The following COL15A1 variants were observed in gnomAD, a reference collection of about 807,000 sequenced individuals.
COL15A1 encodes collagen type XV alpha 1 chain.
In COL15A1, 111 loss-of-function variants were observed where a neutral mutation model predicts 165.9. The observed-to-expected ratio is 0.67, with a 90% CI of 0.57 to 0.78. The LOEUF (loss-of-function observed/expected upper bound fraction) is 0.78, where lower values mean the gene tolerates loss of function less well. COL15A1 is among the 30% of genes least tolerant of loss of function. The pLI is 0.00. For missense variants in COL15A1, 1,745 were observed against 1,789.7 expected (o/e 0.98, Z 0.45); for synonymous variants, 659 against 674.8 (o/e 0.98, Z 0.36).
intron 36 of COL15A1, among the ~76,000 whole-genome samples, chr9:99,060,981 T>C (rs1825806674): frequency 6.6e-6 from 1 of 152,210 alleles, no homozygotes; most frequent in Admixed American, 6.5e-5. Flanking sequence ...TTCAGTCTTC[T>C]CCATTCTGCC....
chr9:98,963,542 T>C (rs1837899191), intron 2 of COL15A1, among the ~76,000 whole-genome samples: 1 of 152,222 alleles, frequency 6.6e-6, no homozygotes, highest in Non-Finnish European at 1.5e-5. Flanking sequence ...TCCCCAGTGC[T>C]GCTTGATCAC....
chr9:99,001,697 A>G (rs1295626065), intron 7 of COL15A1, among the ~76,000 whole-genome samples: 2 of 151,976 alleles, frequency 1.3e-5, no homozygotes, highest in South Asian at 2.1e-4. Context: ...TCTCCTCCTT[A>G]TCCTCATGAT....
At chr9:98,964,857 C>A (rs1345670576) in intron 2 of COL15A1, among the ~76,000 whole-genome samples, 1 of 152,170 alleles carries the variant, frequency 6.6e-6, no homozygotes, top group Non-Finnish European at 1.5e-5. Flanking sequence ...CTGAAGGTTA[C>A]CCTGATTCTT....
intron 23 of COL15A1, chr9:99,040,761 C>A (rs1839388207): frequency 1.2e-6 from 1 of 836,166 alleles, no homozygotes; most frequent in Non-Finnish European, 1.8e-6. Flanking sequence ...TCAAGAAATC[C>A]ATCTGCGTCA....
chr9:99,004,843 GT>G, intron 8 of COL15A1, 54 bp from the exon 9 acceptor site: 1 of 1,609,154 alleles, frequency 6.2e-7, no homozygotes, highest in Non-Finnish European at 8.5e-7. Flanking sequence ...TTACCACAGT[GT>G]GGTGGATCAG....
chr9:98,944,790 G>C (rs1346308663), intron 2 of COL15A1, among the ~76,000 whole-genome samples: 2 of 152,250 alleles, frequency 1.3e-5, no homozygotes, highest in Admixed American at 1.3e-4. Flanking sequence ...TCCACCGGTG[G>C]TGGAAAGAGC....
At chr9:99,026,020 C>T in intron 16 of COL15A1, 54 bp downstream of exon 16, 4 of 1,520,378 alleles carry the variant, frequency 2.6e-6, no homozygotes, top group Non-Finnish European at 3.6e-6. Flanking sequence ...GCCCACACTA[C>T]TCTCTCTGAC....
intron 21 of COL15A1, among the ~76,000 whole-genome samples, chr9:99,036,732 C>T (rs1035255236): frequency 5.9e-5 from 9 of 152,178 alleles, no homozygotes; most frequent in South Asian, 2.1e-4. Flanking sequence ...AGAAATAAAG[C>T]CAAAGATGAG....
chr9:98,989,140 G>A (rs374153140), intron 4 of COL15A1, 38 bp from the exon 5 acceptor site: 22 of 1,550,860 alleles, frequency 1.4e-5, no homozygotes, highest in African/African-American at 1.4e-4. Flanking sequence ...GGCCCTGCCC[G>A]CTCTGCCCGG....
In COL15A1 at chr9:98,943,981, C is replaced by T. The variant is rs571622067; in HGVS notation, c.-81C>T. ...AAGGGCGAGCGCGGCGGCCAGCGCT[C>T]AGCGACCCTTCGTCCTCCGCTAAGC... On this transcript the variant is annotated 5_prime_UTR_variant, in exon 1 of 42. Transcript: ENST00000375001. 18 of 1,584,042 alleles carry T rather than the reference C, an allele frequency of 1.1e-5. No individual in the cohort carries two copies. In the East Asian group the frequency reaches 4.1e-4, roughly 36 times the overall value.
At chr9:98,998,116 A>G (rs1301415815) in intron 6 of COL15A1, among the ~76,000 whole-genome samples, 1 of 152,238 alleles carries the variant, frequency 6.6e-6, no homozygotes, top group Non-Finnish European at 1.5e-5. Context: ...ATCTATTTAC[A>G]TATAGCTATG....
rs1839465122 is a variant in COL15A1, at chr9:99,044,625, A to G, written c.2632A>G (p.Met878Val). The change falls in exon 25 of 42, where the codon ATG becomes GTG. Residue 878 changes from methionine to valine, a missense_variant. By Grantham distance (21) the Met-to-Val change is conservative. Coordinates refer to ENST00000375001, the MANE Select transcript of COL15A1 (RefSeq NM_001855.5). ...LTEDIPLERL[M>V]GKKGEPGMHG... ...AGAGGACATTCCTCTGGAAAGGCTG[A>G]TGGGGAAAAAGGTAATTATGTCACC... 2.5e-6 allele frequency: 4 copies of G among 1,614,122 alleles called. No homozygotes were observed. The highest frequency in any genetic ancestry group is 3.4e-6 in the Non-Finnish European group (4 of 1,179,990).
chr9:98,993,506 G>A (rs1324260732), intron 5 of COL15A1, among the ~76,000 whole-genome samples: 1 of 152,078 alleles, frequency 6.6e-6, no homozygotes, highest in African/African-American at 2.4e-5. Flanking sequence ...CCTTCCCTGT[G>A]CACCCGTCTG....
intron 16 of COL15A1, among the ~76,000 whole-genome samples, chr9:99,032,736 G>T (rs1358292561): frequency 6.6e-6 from 1 of 152,070 alleles, no homozygotes; most frequent in African/African-American, 2.4e-5. Flanking sequence ...TTACCCTCTT[G>T]TGTTGCTTTC....
intron 2 of COL15A1, among the ~76,000 whole-genome samples, chr9:98,976,608 C>T (rs1282055090): frequency 6.6e-6 from 1 of 152,200 alleles, no homozygotes; most frequent in Non-Finnish European, 1.5e-5. Flanking sequence ...GGAGCCCGAC[C>T]TCAGTGACTC....
At chr9:98,986,667 T>G (rs1474226267) in intron 3 of COL15A1, among the ~76,000 whole-genome samples, 2 of 152,216 alleles carry the variant, frequency 1.3e-5, no homozygotes, top group Non-Finnish European at 2.9e-5. Flanking sequence ...GATCACTAAG[T>G]TATTGTAGTT....
intron 41 of COL15A1, 42 bp from the exon 42 acceptor site, chr9:99,069,631 A>G (rs548453404): frequency 3.8e-6 from 6 of 1,585,848 alleles, no homozygotes; most frequent in Non-Finnish European, 5.2e-6. Context: ...TACCACAAAG[A>G]AGTGTCATTT....
rs554779013 is a variant in COL15A1 at position 99,060,301 on chromosome 9, A to T, written c.3402+348A>T. Reference sequence around the variant, plus strand: ...GGGGTGGACGGGGTCTCACTCTGTCACCCAAACTGGAGTACAGTGGTGAGA... The same window carrying T: ...GGGGTGGACGGGGTCTCACTCTGTCTCCCAAACTGGAGTACAGTGGTGAGA... On this transcript the variant is annotated intron_variant, in intron 36 of 41. Transcript: ENST00000375001. Among the ~76,000 whole-genome samples the T allele has an allele frequency of 6.1e-5, 9 of 148,232 alleles. No homozygotes were observed. In the South Asian group the frequency reaches 1.9e-3, roughly 32 times the overall value.
At chr9:99,035,201 G>A (rs369893876) in intron 18 of COL15A1, 47 bp downstream of exon 18, 2 of 1,580,002 alleles carry the variant, frequency 1.3e-6, no homozygotes, top group Admixed American at 1.8e-5. Context: ...TGTACTAAGG[G>A]CTACTAGAAA....
Sources: gnomAD v4.1 joint callset for allele counts (sites outside exome capture counted in the v4.1 genomes callset) on GRCh38, gnomAD v4.1.1 for gene constraint, MANE v1.5 for transcripts, NCBI Gene and HGNC (gene_info 2026-07-23, HGNC 2026-07-21) for gene names.